Variants in NCKAP5 observed in about 807,000 individuals in gnomAD.
The protein encoded by NCKAP5 is nck-associated protein 5.
NCKAP5 carries 92 observed loss-of-function variants against 167.0 expected under a neutral mutation model. The ratio of observed to expected loss-of-function variants is 0.55; its 90% CI spans 0.47 to 0.66. The LOEUF (loss-of-function observed/expected upper bound fraction) is 0.66. Ranked by LOEUF, NCKAP5 falls within the 30% of genes least tolerant of loss-of-function variation. The pLI is 0.00. For missense variants in NCKAP5, 2,378 were observed against 2,315.0 expected (o/e 1.03, Z -0.56); for synonymous variants, 891 against 877.4 (o/e 1.02, Z -0.27).
At chr2:133,468,498 G>A (rs1156690746) in intron 3 of NCKAP5, among the ~76,000 whole-genome samples, 1 of 151,906 alleles carries the variant, frequency 6.6e-6, no homozygotes, top group Non-Finnish European at 1.5e-5. Context: ...TTGATTTGGG[G>A]TGGAGAGTTC....
the NCKAP5 span, among the ~76,000 whole-genome samples, chr2:133,628,764 T>C: frequency 6.6e-6 from 1 of 152,018 alleles, no homozygotes; most frequent in East Asian, 1.9e-4. Context: ...AACCAAAACA[T>C]CATTGTGCTG....
At chr2:132,725,859 G>T in intron 18 of NCKAP5, 100 bp from the exon 19 acceptor site, 2 of 1,271,338 alleles carry the variant, frequency 1.6e-6, no homozygotes, top group Non-Finnish European at 2.2e-6. Flanking sequence ...GGCTGTCAAT[G>T]TGTGCACAGA....
At chr2:132,887,433 A>G (rs1410194672) in intron 8 of NCKAP5, among the ~76,000 whole-genome samples, 6 of 151,328 alleles carry the variant, frequency 4.0e-5, no homozygotes, top group Non-Finnish European at 2.9e-5. Context: ...GGCTTTTGCC[A>G]TTACTTTTAA....
intron 8 of NCKAP5, among the ~76,000 whole-genome samples, chr2:132,929,518 G>A (rs1295017616): frequency 6.6e-6 from 1 of 152,162 alleles, no homozygotes; most frequent in Non-Finnish European, 1.5e-5. Flanking sequence ...TATTTTGGGA[G>A]TACAATTTAA....
intron 8 of NCKAP5, among the ~76,000 whole-genome samples, chr2:132,882,649 A>C (rs1394846859): frequency 6.6e-6 from 1 of 152,258 alleles, no homozygotes; most frequent in African/African-American, 2.4e-5. Flanking sequence ...TATATTATTC[A>C]TTTGAAATTC....
At chr2:133,192,594 A>G (rs982817435) in intron 5 of NCKAP5, among the ~76,000 whole-genome samples, 2 of 152,116 alleles carry the variant, frequency 1.3e-5, no homozygotes, top group Admixed American at 1.3e-4. Flanking sequence ...GGGCAAAAAG[A>G]CATGTAGAGA....
At chr2:133,386,354 A>G (rs900788138) in intron 3 of NCKAP5, among the ~76,000 whole-genome samples, 2 of 152,162 alleles carry the variant, frequency 1.3e-5, no homozygotes, top group African/African-American at 2.4e-5. Context: ...GTAGTTGAGC[A>G]GTTTTGATTG....
rs76725539 is a variant in NCKAP5 at position 133,193,489 on chromosome 2, A to C, written c.207+20227T>G. Among the ~76,000 whole-genome samples, 1,474 of 152,250 alleles carry C rather than the reference A, an allele frequency of 9.7e-3. 12 individuals carry two copies. The highest frequency in any genetic ancestry group is 0.017 in the Non-Finnish European group (1,151 of 67,992). ...TATCTAGCAATGAAAACATCTGTTA[A>C]CCAGCTAGAGAAATTATTAACTTTT... On this transcript the variant is annotated intron_variant, in intron 5 of 19. Transcript: ENST00000409261.
intron 3 of NCKAP5, among the ~76,000 whole-genome samples, chr2:133,383,171 T>C (rs1686654372): frequency 6.6e-6 from 1 of 152,100 alleles, no homozygotes; most frequent in African/African-American, 2.4e-5. Context: ...ACCCATTAAC[T>C]TATCATTTAC....
At chr2:133,373,494 T>G (rs1340707608) in intron 3 of NCKAP5, among the ~76,000 whole-genome samples, 7 of 152,248 alleles carry the variant, frequency 4.6e-5, no homozygotes, top group Non-Finnish European at 7.3e-5. Flanking sequence ...CTTTCAAACC[T>G]GATTCACAGA....
intron 3 of NCKAP5, among the ~76,000 whole-genome samples, chr2:133,392,034 C>T (rs561407820): frequency 8.5e-5 from 13 of 152,280 alleles, no homozygotes; most frequent in African/African-American, 2.6e-4. Flanking sequence ...CTGTAAAACT[C>T]ACCAACTCAC....
chr2:133,387,472 C>T (rs1478853244), intron 3 of NCKAP5, among the ~76,000 whole-genome samples: 4 of 152,182 alleles, frequency 2.6e-5, no homozygotes, highest in Non-Finnish European at 4.4e-5. Context: ...TCTGGCTGCC[C>T]TTAACATTTT....
chr2:132,732,039 T>C lies in NCKAP5; in HGVS notation c.5141A>G (p.Gln1714Arg). Residue 1714 changes from glutamine to arginine, a missense_variant, in exon 17 of 20, where the codon CAG (glutamine) becomes CGG (arginine). By Grantham distance (43) the Gln-to-Arg change is conservative. Transcript: ENST00000409261. ...FQSHIIESNC[Q>R]MRTLDSGIGT... ...GATCCCACTGTCCAATGTTCTCATC[T>C]GGCAGTTGGATTCTGAGATAGAGAG... 1 of 1,610,288 alleles carries C rather than the reference T, an allele frequency of 6.2e-7. No individual in the cohort carries two copies. Among genetic ancestry groups the C allele is most frequent in the Non-Finnish European group, 8.5e-7 (1 of 1,177,280 alleles).
chr2:133,615,232 C>G, the NCKAP5 span, among the ~76,000 whole-genome samples: 1 of 152,036 alleles, frequency 6.6e-6, no homozygotes, highest in African/African-American at 2.4e-5. Context: ...TAGGAAGAAA[C>G]TGCATCAACT....
chr2:132,745,491 C>A (rs1679560507), intron 16 of NCKAP5, among the ~76,000 whole-genome samples: 1 of 151,484 alleles, frequency 6.6e-6, no homozygotes, highest in African/African-American at 2.4e-5. Context: ...ACAGATAACA[C>A]CATATTTGAA....
intron 3 of NCKAP5, among the ~76,000 whole-genome samples, chr2:133,398,948 C>T (rs956169039): frequency 6.6e-6 from 1 of 152,066 alleles, no homozygotes; most frequent in African/African-American, 2.4e-5. Flanking sequence ...TAAAGTGGAG[C>T]TGGGCTGGGA....
intron 4 of NCKAP5, among the ~76,000 whole-genome samples, chr2:133,250,716 T>C (rs762113551): frequency 1.5e-4 from 23 of 152,044 alleles, no homozygotes; most frequent in Non-Finnish European, 3.2e-4. Flanking sequence ...GGAGGGAGGA[T>C]CACTTGAGGC....
rs144462860 is a variant in NCKAP5 at position 133,274,788 on chromosome 2, A to C, written c.143+28249T>G. ...TAACTTTCTATGTGATAATGGAAAA[A>C]AAAAAATTAGAATCCTACCTCAGGC... On this transcript the variant is annotated intron_variant, in intron 4 of 19. Transcript: ENST00000409261. Among the ~76,000 whole-genome samples, 982 of 152,112 alleles carry C rather than the reference A, an allele frequency of 6.5e-3. 16 individuals carry two copies. The highest frequency in any genetic ancestry group is 0.022 in the African/African-American group (915 of 41,546).
At position 133,140,614 on chromosome 2, in the gene NCKAP5, C is replaced by T. The variant is rs138320819; in HGVS notation, c.208-10503G>A. ...CTGATGTCTCTCTTACTTCACTGCC[C>T]GCCTAATTTATGGTTTATAAAACAT... is the stretch of plus-strand genomic sequence containing the variant. On this transcript the variant is annotated intron_variant, in intron 5 of 19. Transcript: ENST00000409261. Among the ~76,000 whole-genome samples the T allele has an allele frequency of 4.6e-3, 702 of 152,092 alleles. 1 individual carries two copies. Among genetic ancestry groups the T allele is most frequent in the African/African-American group, 9.9e-3 (411 of 41,508 alleles).
Sources: gnomAD v4.1 joint callset for allele counts (sites outside exome capture counted in the v4.1 genomes callset) on GRCh38, gnomAD v4.1.1 for gene constraint, MANE v1.5 for transcripts, NCBI Gene and HGNC (gene_info 2026-07-23, HGNC 2026-07-21) for gene names.